The following ADGRB3 variants were observed in gnomAD, a reference collection of about 807,000 sequenced individuals.
The protein encoded by ADGRB3 is adhesion G protein-coupled receptor B3.
A neutral mutation model predicts 193.4 loss-of-function variants in ADGRB3; 37 were observed. That is an observed-to-expected ratio of 0.19 (90% CI 0.15 to 0.25). The LOEUF (loss-of-function observed/expected upper bound fraction) is 0.25, where lower values mean the gene tolerates loss of function less well. ADGRB3 is among the 10% of genes least tolerant of loss of function. ADGRB3 has a pLI of 1.00. For missense variants in ADGRB3, 1,637 were observed against 1,852.9 expected, an observed-to-expected ratio of 0.88 and a Z score of 2.14; for synonymous variants, 690 against 644.2, an observed-to-expected ratio of 1.07 and a Z score of -1.08.
intron 17 of ADGRB3, among the ~76,000 whole-genome samples, chr6:69,138,653 G>A (rs1042926712): frequency 1.3e-5 from 2 of 152,082 alleles, no homozygotes; most frequent in African/African-American, 2.4e-5. Flanking sequence ...TTCTTTATTG[G>A]AGGTGCTATT....
At chr6:68,940,795 G>A (rs1051116873) in intron 5 of ADGRB3, among the ~76,000 whole-genome samples, 1 of 151,954 alleles carries the variant, frequency 6.6e-6, no homozygotes, top group Admixed American at 6.6e-5. Context: ...AGGAGGCTGA[G>A]GCACGAGAAT....
chr6:68,938,977 GA>G (rs1767562930), intron 5 of ADGRB3, among the ~76,000 whole-genome samples: 1 of 152,124 alleles, frequency 6.6e-6, no homozygotes, highest in Admixed American at 6.5e-5. Flanking sequence ...GAGTGGATTG[GA>G]AAGTGTTCTC....
At chr6:69,283,090 G>A (rs1385427814) in intron 20 of ADGRB3, among the ~76,000 whole-genome samples, 2 of 152,200 alleles carry the variant, frequency 1.3e-5, no homozygotes, top group Admixed American at 6.5e-5. Context: ...TCCAGTGGCT[G>A]CTCCAAGCTC....
chr6:68,659,416 G>A (rs1266285822), intron 3 of ADGRB3, among the ~76,000 whole-genome samples: 1 of 150,064 alleles, frequency 6.7e-6, no homozygotes, highest in East Asian at 2.0e-4. Context: ...TTAATTATCT[G>A]TAAAGTACAT....
At chr6:69,126,945 A>G (rs913229791) in intron 17 of ADGRB3, among the ~76,000 whole-genome samples, 2 of 152,226 alleles carry the variant, frequency 1.3e-5, no homozygotes, top group African/African-American at 4.8e-5. Context: ...CTAGTAGAAT[A>G]TGAGACAGAA....
At chr6:69,282,697 T>G (rs1451328637) in intron 20 of ADGRB3, among the ~76,000 whole-genome samples, 46 of 152,188 alleles carry the variant, frequency 3.0e-4, no homozygotes, top group Non-Finnish European at 1.5e-5. Context: ...ACTATAAGCT[T>G]CTTAGAACAA....
chr6:68,819,754 A>G (rs555970032), intron 3 of ADGRB3, among the ~76,000 whole-genome samples: 3 of 152,210 alleles, frequency 2.0e-5, no homozygotes, highest in East Asian at 1.9e-4. Flanking sequence ...ATAAAATTGT[A>G]TACAGATAAA....
At chr6:69,015,107 G>A (rs966603171) in intron 12 of ADGRB3, among the ~76,000 whole-genome samples, 1 of 151,950 alleles carries the variant, frequency 6.6e-6, no homozygotes, top group African/African-American at 2.4e-5. Context: ...CTAGAGGACA[G>A]CCTCATTCAC....
chr6:68,893,398 A>G (rs2150230014), intron 3 of ADGRB3, among the ~76,000 whole-genome samples: 1 of 152,108 alleles, frequency 6.6e-6, no homozygotes, highest in African/African-American at 2.4e-5. Flanking sequence ...ACCTTGTCTG[A>G]GACATATCTT....
chr6:68,966,640 C>T (rs1464992919), intron 8 of ADGRB3, among the ~76,000 whole-genome samples: 1 of 152,172 alleles, frequency 6.6e-6, no homozygotes, highest in African/African-American at 2.4e-5. Context: ...CACACTCTTC[C>T]CTAAGGTACT....
intron 3 of ADGRB3, among the ~76,000 whole-genome samples, chr6:68,651,209 C>T (rs1012661922): frequency 1.3e-5 from 2 of 152,144 alleles, no homozygotes; most frequent in South Asian, 4.1e-4. Context: ...ACTTAAAGGG[C>T]AAACTGTATA....
At chr6:68,951,745 T>C (rs1371459928) in intron 6 of ADGRB3, among the ~76,000 whole-genome samples, 1 of 152,144 alleles carries the variant, frequency 6.6e-6, no homozygotes, top group African/African-American at 2.4e-5. Flanking sequence ...TTTAAATTCG[T>C]AGGTTTGCAA....
intron 6 of ADGRB3, among the ~76,000 whole-genome samples, chr6:68,948,918 A>C (rs1349756422): frequency 6.6e-6 from 1 of 152,112 alleles, no homozygotes; most frequent in Non-Finnish European, 1.5e-5. Flanking sequence ...ATTAAAGTTC[A>C]GTCACAATCC....
intron 20 of ADGRB3, among the ~76,000 whole-genome samples, chr6:69,243,400 G>A (rs1486705285): frequency 6.6e-6 from 1 of 151,896 alleles, no homozygotes; most frequent in African/African-American, 2.4e-5. Context: ...CAACATTCTA[G>A]GAGCAGGATT....
intron 20 of ADGRB3, among the ~76,000 whole-genome samples, chr6:69,295,582 T>C (rs1340068085): frequency 6.6e-6 from 1 of 152,122 alleles, no homozygotes; most frequent in Non-Finnish European, 1.5e-5. Flanking sequence ...ATAATGTTTT[T>C]ATACCATAAA....
chr6:69,369,304 C>T (rs1433454176), intron 29 of ADGRB3, among the ~76,000 whole-genome samples: 2 of 152,120 alleles, frequency 1.3e-5, no homozygotes, highest in Non-Finnish European at 2.9e-5. Flanking sequence ...TTCCAATACA[C>T]TGTATGTATA....
In ADGRB3 at chr6:69,334,880, G is replaced by A. The variant is rs76720005; in HGVS notation, c.3188+1872G>A. ...AACTCAGTCTCCTCATCTGTTAAAT[G>A]GGGAAAATAACCCCTGCCTCATAGA... On this transcript the variant is annotated intron_variant, in intron 24 of 31. Coordinates refer to ENST00000370598, the MANE Select transcript of ADGRB3 (RefSeq NM_001704.3). Among the ~76,000 whole-genome samples, 5 of 152,224 alleles carry A rather than the reference G, an allele frequency of 3.3e-5. No individual in the cohort carries two copies. In the East Asian group the frequency reaches 9.6e-4, roughly 29 times the overall value.
chr6:69,343,609 T>A (rs1769026027), intron 26 of ADGRB3, among the ~76,000 whole-genome samples: 2 of 152,138 alleles, frequency 1.3e-5, no homozygotes, highest in South Asian at 4.1e-4. Context: ...AGACCTAAAA[T>A]CTTAATATTT....
intron 10 of ADGRB3, among the ~76,000 whole-genome samples, chr6:68,976,550 G>A (rs1044475407): frequency 6.6e-6 from 1 of 152,044 alleles, no homozygotes; most frequent in African/African-American, 2.4e-5. Context: ...AGTAAGGAAG[G>A]CTCACCGATA....
Sources: gnomAD v4.1 joint callset for allele counts (sites outside exome capture counted in the v4.1 genomes callset) on GRCh38, gnomAD v4.1.1 for gene constraint, MANE v1.5 for transcripts, NCBI Gene and HGNC (gene_info 2026-07-23, HGNC 2026-07-21) for gene names.